TENM1: variants seen among roughly 807,000 people sequenced by gnomAD.
TENM1 encodes teneurin transmembrane protein 1, also known as teneurin-1.
A neutral mutation model predicts 174.8 loss-of-function variants in TENM1; 35 were observed. That is an observed-to-expected ratio of 0.20 (90% confidence interval 0.15 to 0.27). The LOEUF is 0.27. TENM1 is among the 10% of genes least tolerant of loss of function. The pLI, the probability that TENM1 is intolerant of heterozygous loss-of-function variation, is 1.00. For missense variants in TENM1, 1,633 were observed against 2,130.1 expected, an observed-to-expected ratio of 0.77 and a Z score of 4.59; for synonymous variants, 781 against 798.7, an observed-to-expected ratio of 0.98 and a Z score of 0.37.
At chrX:124,501,129 G>C (rs757484156) in intron 19 of TENM1, among the ~76,000 whole-genome samples, 12 of 111,549 alleles carry the variant, frequency 1.1e-4, no homozygotes, top group Non-Finnish European at 1.3e-4. Flanking sequence ...TTTGGTAAAA[G>C]ATACACCAAA....
intron 11 of TENM1, among the ~76,000 whole-genome samples, chrX:124,574,141 A>G (rs915261627): frequency 1.8e-5 from 2 of 112,177 alleles, no homozygotes; most frequent in Non-Finnish European, 3.8e-5. Context: ...TTCATTTTTA[A>G]TAAGTTTCTT....
the TENM1 span, among the ~76,000 whole-genome samples, chrX:125,148,461 A>G: frequency 6.3e-5 from 7 of 111,100 alleles, no homozygotes; most frequent in South Asian, 3.8e-4. Flanking sequence ...CATCCCCCCT[A>G]CACCGAGTTA....
intron 11 of TENM1, among the ~76,000 whole-genome samples, chrX:124,634,622 C>T (rs1162947290): frequency 1.8e-5 from 2 of 111,163 alleles, no homozygotes; most frequent in Non-Finnish European, 3.8e-5. Flanking sequence ...GAAAAAAAAA[C>T]ACTGTGTACA....
chrX:124,415,719 AC>A (rs1036616418), intron 25 of TENM1, among the ~76,000 whole-genome samples: 6 of 111,341 alleles, frequency 5.4e-5, no homozygotes, highest in Non-Finnish European at 1.1e-4. Flanking sequence ...TTGGTTACTC[AC>A]CAATGATGTT....
chrX:124,986,632 T>TTTTG, the TENM1 span, among the ~76,000 whole-genome samples: 85 of 111,006 alleles, frequency 7.7e-4, no homozygotes, highest in Non-Finnish European at 1.3e-3. Flanking sequence ...AGGACTTCTT[T>TTTTG]TTTGTTTGTT....
intron 22 of TENM1, among the ~76,000 whole-genome samples, chrX:124,471,720 A>T (rs2061336061): frequency 1.1e-5 from 1 of 93,215 alleles, no homozygotes; most frequent in African/African-American, 3.9e-5. Context: ...TGTAATATAC[A>T]ATTATATAAT....
the TENM1 span, among the ~76,000 whole-genome samples, chrX:124,985,195 G>T: frequency 1.8e-5 from 2 of 111,982 alleles, no homozygotes; most frequent in African/African-American, 6.5e-5. Context: ...GCACAAACTG[G>T]AAGTGCCTTC....
chrX:124,702,440 A>G (rs2052798667), intron 5 of TENM1, among the ~76,000 whole-genome samples: 1 of 112,137 alleles, frequency 8.9e-6, no homozygotes, highest in Non-Finnish European at 1.9e-5. Context: ...CTGTGCCAGC[A>G]TTTAGCCTGA....
the TENM1 span, among the ~76,000 whole-genome samples, chrX:125,152,588 C>G: frequency 8.9e-6 from 1 of 111,735 alleles, no homozygotes; most frequent in Non-Finnish European, 1.9e-5. Context: ...CATAAGGAAC[C>G]AGATTTTCCT....
chrX:124,671,563 G>A (rs2051921712), intron 6 of TENM1, 120 bp downstream of exon 9: 3 of 730,243 alleles, frequency 4.1e-6, no homozygotes, highest in Middle Eastern at 4.7e-4. Context: ...TTCTGTCCAC[G>A]TAGAGGACTT....
intron 29 of TENM1, among the ~76,000 whole-genome samples, 156 bp downstream of exon 32, chrX:124,385,521 T>G (rs758938893): frequency 8.9e-6 from 1 of 112,641 alleles, no homozygotes; most frequent in East Asian, 2.8e-4. Flanking sequence ...GACTATAACA[T>G]GCTTTACATT....
the TENM1 span, among the ~76,000 whole-genome samples, chrX:125,016,420 T>C: frequency 1.8e-5 from 2 of 110,950 alleles, no homozygotes; most frequent in Admixed American, 9.6e-5. Flanking sequence ...ATGCCAATAA[T>C]AGACAAACAG....
the TENM1 span, among the ~76,000 whole-genome samples, chrX:125,187,151 C>T: frequency 6.2e-5 from 7 of 112,182 alleles, no homozygotes; most frequent in South Asian, 2.2e-3. Context: ...ACCCCAGCTA[C>T]TCAGGAGGCT....
At chrX:124,820,262 T>C (rs1486882152) in intron 3 of TENM1, among the ~76,000 whole-genome samples, 1 of 111,675 alleles carries the variant, frequency 9.0e-6, no homozygotes, top group Non-Finnish European at 1.9e-5. Flanking sequence ...AGTCATACAT[T>C]ACTTTCATGT....
intron 3 of TENM1, among the ~76,000 whole-genome samples, chrX:124,806,722 G>A (rs1036694127): frequency 1.8e-5 from 2 of 111,767 alleles, no homozygotes; most frequent in African/African-American, 3.3e-5. Context: ...TTAGCTCATG[G>A]TTTTGCAGGC....
chrX:124,568,435 A>C (rs1484249736), intron 11 of TENM1, among the ~76,000 whole-genome samples: 1 of 111,832 alleles, frequency 8.9e-6, no homozygotes, highest in Non-Finnish European at 1.9e-5. Context: ...TAAAATAATA[A>C]TAATAAAAAA....
At chrX:125,067,420 AG>A in the TENM1 span, among the ~76,000 whole-genome samples, 3 of 110,398 alleles carry the variant, frequency 2.7e-5, no homozygotes, top group Non-Finnish European at 5.7e-5. Flanking sequence ...CAGAACCTCT[AG>A]GGAAAAAAAA....
intron 11 of TENM1, among the ~76,000 whole-genome samples, chrX:124,615,201 T>C (rs185334104): frequency 3.6e-5 from 4 of 112,373 alleles, no homozygotes; most frequent in African/African-American, 3.2e-5. Flanking sequence ...TTGGTTGAAG[T>C]AGCATTTCAT....
At chrX:124,679,914 C>G (rs956936010) in intron 5 of TENM1, among the ~76,000 whole-genome samples, 5 of 111,324 alleles carry the variant, frequency 4.5e-5, no homozygotes, top group Non-Finnish European at 1.9e-5. Flanking sequence ...ATAAAACATA[C>G]TTAAATGTTT....
Sources: gnomAD v4.1 joint callset for allele counts (sites outside exome capture counted in the v4.1 genomes callset) on GRCh38, gnomAD v4.1.1 for gene constraint, MANE v1.5 for transcripts, NCBI Gene and HGNC (gene_info 2026-07-23, HGNC 2026-07-21) for gene names.